The following CACHD1 variants were observed in gnomAD, a reference collection of about 807,000 sequenced individuals.
CACHD1 encodes VWFA and cache domain-containing protein 1.
CACHD1 carries 71 observed loss-of-function variants against 138.7 expected under a neutral mutation model. The ratio of observed to expected loss-of-function variants is 0.51; its 90% CI spans 0.42 to 0.62. The LOEUF is 0.62. Among genes scored for constraint, CACHD1 ranks in the 20% least tolerant of loss-of-function variants. The pLI is 0.00. For synonymous variants in CACHD1, 578 were observed against 591.5 expected (o/e 0.98, Z 0.33); for missense variants, 1,389 against 1,625.3 (o/e 0.85, Z 2.50).
chr1:64,502,635 T>A (rs1297766307), intron 1 of CACHD1, among the ~76,000 whole-genome samples: 1 of 125,946 alleles, frequency 7.9e-6, no homozygotes, highest in Non-Finnish European at 1.5e-5. Flanking sequence ...TTTTTGTTTC[T>A]ATTGCACATT....
At chr1:64,603,097 ATC>A (rs1557514810) in intron 4 of CACHD1, among the ~76,000 whole-genome samples, 185 bp downstream of exon 4, 1 of 134,842 alleles carries the variant, frequency 7.4e-6, no homozygotes, top group Non-Finnish European at 1.6e-5. Flanking sequence ...TCAAGCTTAC[ATC>A]TTTTTTTTTT....
intron 7 of CACHD1, among the ~76,000 whole-genome samples, chr1:64,641,043 G>A (rs1250121149): frequency 6.6e-6 from 1 of 151,846 alleles, no homozygotes; most frequent in Non-Finnish European, 1.5e-5. Context: ...TTTTCATTTT[G>A]TGTGTGTGTT....
intron 3 of CACHD1, among the ~76,000 whole-genome samples, chr1:64,583,069 T>A (rs1647024604): frequency 6.6e-6 from 1 of 152,172 alleles, no homozygotes; most frequent in South Asian, 2.1e-4. Flanking sequence ...TAAATGTAAA[T>A]TAGTATTTAT....
chr1:64,668,282 G>A (rs957347660), intron 16 of CACHD1, among the ~76,000 whole-genome samples: 2 of 149,158 alleles, frequency 1.3e-5, no homozygotes, highest in Admixed American at 1.3e-4. Flanking sequence ...AGCCGAGATC[G>A]TACCACTGCA....
At chr1:64,534,359 TTGTGTTATTTTATCTCTGAC>T (rs1188226242) in intron 1 of CACHD1, among the ~76,000 whole-genome samples, 1 of 152,196 alleles carries the variant, frequency 6.6e-6, no homozygotes, top group Non-Finnish European at 1.5e-5. Flanking sequence ...TTTCTTTCTG[TTGTGTTATTTTATCTCTGAC>T]TGTGTGTAAA....
chr1:64,557,996 A>G (rs1221359946), intron 2 of CACHD1, among the ~76,000 whole-genome samples: 1 of 151,920 alleles, frequency 6.6e-6, no homozygotes, highest in African/African-American at 2.4e-5. Flanking sequence ...ACAGGGTTTC[A>G]CCATGTTGGC....
intron 2 of CACHD1, among the ~76,000 whole-genome samples, chr1:64,555,260 G>A (rs769180607): frequency 4.6e-5 from 7 of 152,086 alleles, no homozygotes; most frequent in Non-Finnish European, 8.8e-5. Flanking sequence ...AAAGTACTGC[G>A]ATTACAGGCA....
chr1:64,554,121 T>A (rs1646779575), intron 2 of CACHD1, among the ~76,000 whole-genome samples: 1 of 152,212 alleles, frequency 6.6e-6, no homozygotes, highest in Admixed American at 6.6e-5. Context: ...AGCCTCAAAC[T>A]CCTGAGCTCA....
intron 1 of CACHD1, among the ~76,000 whole-genome samples, chr1:64,487,885 T>C (rs1646252590): frequency 6.6e-6 from 1 of 152,178 alleles, no homozygotes; most frequent in Non-Finnish European, 1.5e-5. Flanking sequence ...GCTGGTGGGG[T>C]TTACATTTTA....
intron 1 of CACHD1, among the ~76,000 whole-genome samples, chr1:64,473,121 T>C (rs749718550): frequency 1.3e-5 from 2 of 152,132 alleles, no homozygotes; most frequent in African/African-American, 2.4e-5. Context: ...TTCTAACACC[T>C]TTGCAACCTC....
At chr1:64,587,660 A>G (rs1471077960) in intron 3 of CACHD1, among the ~76,000 whole-genome samples, 1 of 152,224 alleles carries the variant, frequency 6.6e-6, no homozygotes. Flanking sequence ...TTAATCAAAA[A>G]CAAACTCATT....
In CACHD1 at chr1:64,691,516, C is replaced by CT. The variant is rs1170752096; in HGVS notation, c.3782dup (p.Leu1261PhefsTer58). ...ACCCTACACTTCATCATAGCCACCA[C>CT]TTACAGGCGGCCGTCACGGTACACA... On this transcript the variant is annotated frameshift_variant, in exon 27 of 27. Coordinates refer to ENST00000651257, the MANE Select transcript of CACHD1 (RefSeq NM_020925.4). LOFTEE classifies it high-confidence loss of function. 3 of 1,614,136 alleles carry CT rather than the reference C, an allele frequency of 1.9e-6. No individual in the cohort carries two copies. In the Admixed American group the frequency reaches 5.0e-5, roughly 27 times the overall value.
chr1:64,510,496 C>A (rs1047400414), intron 1 of CACHD1, among the ~76,000 whole-genome samples: 16 of 152,162 alleles, frequency 1.1e-4, no homozygotes, highest in Non-Finnish European at 1.6e-4. Flanking sequence ...GGTCCAGTGA[C>A]GACGGAACAG....
intron 1 of CACHD1, among the ~76,000 whole-genome samples, chr1:64,528,994 G>T (rs1457319498): frequency 6.6e-6 from 1 of 151,796 alleles, no homozygotes; most frequent in Non-Finnish European, 1.5e-5. Flanking sequence ...CCTTTCATTG[G>T]GTTATATTCT....
At chr1:64,546,173 C>G (rs1191391852) in intron 1 of CACHD1, among the ~76,000 whole-genome samples, 1 of 152,096 alleles carries the variant, frequency 6.6e-6, no homozygotes, top group African/African-American at 2.4e-5. Context: ...ATTCCTTTAG[C>G]CCTCCGGGGA....
Position 64,542,676 on chromosome 1 carries a change from T to C in CACHD1, c.199-7918T>C, listed in dbSNP as rs1646686033. On this transcript the variant is annotated intron_variant, in intron 1 of 26. Coordinates refer to ENST00000651257, the MANE Select transcript of CACHD1 (RefSeq NM_020925.4). Reference sequence around the variant, plus strand: ...TTACAGGCAAGCCCTGTTACTATTTTGATCAACTTCTAGGTGTTACGTAAG... The same window carrying C: ...TTACAGGCAAGCCCTGTTACTATTTCGATCAACTTCTAGGTGTTACGTAAG... Among the ~76,000 whole-genome samples the C allele has an allele frequency of 2.6e-5, 4 of 152,334 alleles. No homozygotes were observed. In the South Asian group the frequency reaches 8.3e-4, roughly 32 times the overall value.
chr1:64,581,533 G>A (rs1647012442), intron 2 of CACHD1, among the ~76,000 whole-genome samples: 1 of 152,186 alleles, frequency 6.6e-6, no homozygotes, highest in African/African-American at 2.4e-5. Flanking sequence ...TCTGTTCACA[G>A]CAGTTAAGAA....
chr1:64,640,190 A>T (rs768013166), intron 7 of CACHD1, among the ~76,000 whole-genome samples: 20 of 152,164 alleles, frequency 1.3e-4, no homozygotes, highest in Non-Finnish European at 2.5e-4. Context: ...CACTCAAGGG[A>T]GGCAGCTACC....
At chr1:64,630,698 G>A (rs1269186521) in intron 5 of CACHD1, among the ~76,000 whole-genome samples, 7 of 152,126 alleles carry the variant, frequency 4.6e-5, no homozygotes, top group South Asian at 2.1e-4. Context: ...GGCTTCTCAC[G>A]AGAACAAAGG....
Sources: allele counts gnomAD v4.1 joint callset (sites outside exome capture counted in the v4.1 genomes callset), GRCh38; gene constraint gnomAD v4.1.1; transcripts MANE v1.5; gene names NCBI Gene and HGNC (gene_info 2026-07-23, HGNC 2026-07-21).